The following ACSL6 variants were observed in gnomAD, a reference collection of about 807,000 sequenced individuals.
The protein encoded by ACSL6 is long-chain-fatty-acid--CoA ligase 6.
ACSL6 carries 47 observed loss-of-function variants against 98.2 expected under a neutral mutation model. The ratio of observed to expected loss-of-function variants is 0.48; its 90% CI spans 0.38 to 0.61. ACSL6 has a LOEUF of 0.61. Ranked by LOEUF, ACSL6 falls within the 20% of genes least tolerant of loss-of-function variation. The pLI, the probability that ACSL6 is intolerant of heterozygous loss-of-function variation, is 0.00. For missense variants in ACSL6, 761 were observed against 913.4 expected (o/e 0.83, Z 2.15); for synonymous variants, 362 against 336.9 (o/e 1.07, Z -0.82).
At chr5:131,991,850 A>T (rs2126907798) in intron 2 of ACSL6, among the ~76,000 whole-genome samples, 1 of 152,328 alleles carries the variant, frequency 6.6e-6, no homozygotes, top group South Asian at 2.1e-4. Flanking sequence ...CAGAAAGCAA[A>T]CAGCCGAACT....
intron 16 of ACSL6, among the ~76,000 whole-genome samples, 172 bp from the exon 17 acceptor site, chr5:131,966,704 TC>T (rs1463407191): frequency 6.6e-6 from 1 of 152,136 alleles, no homozygotes; most frequent in Non-Finnish European, 1.5e-5. Context: ...CTGAACTGTC[TC>T]CTGCCTTCTG....
intron 1 of ACSL6, among the ~76,000 whole-genome samples, chr5:131,997,211 C>T (rs544903592): frequency 1.3e-5 from 2 of 152,324 alleles, no homozygotes; most frequent in South Asian, 2.1e-4. Flanking sequence ...CCTGGGCAGC[C>T]TTTTCCTACA....
intron 2 of ACSL6, among the ~76,000 whole-genome samples, chr5:131,992,229 T>A (rs1301059481): frequency 6.6e-6 from 1 of 152,044 alleles, no homozygotes; most frequent in African/African-American, 2.4e-5. Flanking sequence ...CAGATCGCAA[T>A]GGTTGGGGAG....
intron 1 of ACSL6, among the ~76,000 whole-genome samples, chr5:132,009,520 A>T (rs1437476462): frequency 6.6e-6 from 1 of 152,208 alleles, no homozygotes; most frequent in Non-Finnish European, 1.5e-5. Flanking sequence ...ATAACTTAAA[A>T]TGCCCCAGCA....
At chr5:131,967,825 A>T in intron 16 of ACSL6, 115 bp downstream of exon 16, 2 of 863,284 alleles carry the variant, frequency 2.3e-6, no homozygotes, top group Non-Finnish European at 3.7e-6. Context: ...ATTAATCAGT[A>T]GTTTAAAATG....
chr5:131,976,157 T>C, intron 10 of ACSL6: 1 of 985,478 alleles, frequency 1.0e-6, no homozygotes, highest in Non-Finnish European at 1.2e-6. Context: ...GGCCAAGACA[T>C]CAAAGCTTTT....
At chr5:131,991,137 T>C (rs1754489323) in intron 2 of ACSL6, among the ~76,000 whole-genome samples, 170 bp from the exon 3 acceptor site, 1 of 152,162 alleles carries the variant, frequency 6.6e-6, no homozygotes, top group African/African-American at 2.4e-5. Flanking sequence ...ACCTGGACTG[T>C]ATACACTCAA....
chr5:131,997,643 C>G (rs1754861065), intron 1 of ACSL6, among the ~76,000 whole-genome samples: 1 of 152,248 alleles, frequency 6.6e-6, no homozygotes, highest in Non-Finnish European at 1.5e-5. Context: ...AACTCACCAT[C>G]TTCTCCTGGC....
intron 16 of ACSL6, 152 bp from the exon 17 acceptor site, chr5:131,966,684 C>A: frequency 1.4e-6 from 1 of 717,694 alleles, no homozygotes; most frequent in South Asian, 1.6e-5. Context: ...AAGGAACAGC[C>A]AGCAGCCATC....
At chr5:131,971,476 G>A (rs1218584745) in intron 14 of ACSL6, 74 bp downstream of exon 14, 30 of 1,237,942 alleles carry the variant, frequency 2.4e-5, no homozygotes, top group Non-Finnish European at 3.2e-5. Flanking sequence ...TCTCTGAGCA[G>A]TAGAGGGTAT....
intron 9 of ACSL6, among the ~76,000 whole-genome samples, chr5:131,979,130 C>T (rs923518292): frequency 1.3e-5 from 2 of 152,192 alleles, no homozygotes; most frequent in Non-Finnish European, 2.9e-5. Flanking sequence ...CAAACCCAGG[C>T]TCAGATTAAG....
At chr5:131,974,716 G>T (rs775167677) in intron 11 of ACSL6, 177 bp downstream of exon 11, 1 of 1,579,220 alleles carries the variant, frequency 6.3e-7, no homozygotes, top group South Asian at 1.2e-5. Flanking sequence ...AGGGTTATGG[G>T]TTCTAGGCAC....
At chr5:132,008,327 G>A (rs541185138) in intron 1 of ACSL6, among the ~76,000 whole-genome samples, 63 of 152,230 alleles carry the variant, frequency 4.1e-4, no homozygotes, top group Non-Finnish European at 7.5e-4. Context: ...AAGTGTGCAA[G>A]TCTATGCTTG....
At chr5:131,962,359 C>T (rs1752755575) in intron 18 of ACSL6, among the ~76,000 whole-genome samples, 176 bp downstream of exon 18, 1 of 152,170 alleles carries the variant, frequency 6.6e-6, no homozygotes, top group East Asian at 1.9e-4. Flanking sequence ...AGACAATTTA[C>T]TTGACCTAAT....
chr5:131,970,094 C>T (rs779188413), intron 15 of ACSL6, 34 bp downstream of exon 15: 34 of 1,606,000 alleles, frequency 2.1e-5, no homozygotes, highest in South Asian at 9.9e-5. Flanking sequence ...CACAGTGCCT[C>T]GCGAGCCAGT....
chr5:131,988,359 A>G (rs1426982132), intron 6 of ACSL6, 133 bp from the exon 7 acceptor site: 1 of 1,304,456 alleles, frequency 7.7e-7, no homozygotes, highest in Non-Finnish European at 1.1e-6. Context: ...AAATAAATAC[A>G]TAAGACAGGC....
intron 1 of ACSL6, among the ~76,000 whole-genome samples, chr5:132,005,606 C>T (rs879876175): frequency 9.9e-5 from 15 of 152,246 alleles, no homozygotes; most frequent in Non-Finnish European, 2.1e-4. Context: ...GACATTTCTG[C>T]CTGTTTATGA....
intron 9 of ACSL6, chr5:131,983,842 T>G (rs902986750): frequency 1.3e-5 from 2 of 152,298 alleles, no homozygotes; most frequent in Non-Finnish European, 2.9e-5. Context: ...GGAAAAGCAC[T>G]GGACATGATG....
chr5:132,009,645 C>G (rs1166236961), intron 1 of ACSL6, among the ~76,000 whole-genome samples: 1 of 152,196 alleles, frequency 6.6e-6, no homozygotes, highest in Non-Finnish European at 1.5e-5. Flanking sequence ...AAGAATCGCT[C>G]CTGCTTGACG....
Sources: gnomAD v4.1 joint callset for allele counts (sites outside exome capture counted in the v4.1 genomes callset) on GRCh38, gnomAD v4.1.1 for gene constraint, MANE v1.5 for transcripts, NCBI Gene and HGNC (gene_info 2026-07-23, HGNC 2026-07-21) for gene names.